The following SDK1 variants were observed in gnomAD, a reference collection of about 807,000 sequenced individuals.
SDK1 encodes protein sidekick-1.
SDK1 carries 157 observed loss-of-function variants against 245.5 expected under a neutral mutation model. The observed-to-expected ratio is 0.64, with a 90% CI of 0.56 to 0.73. SDK1 has a LOEUF of 0.73. Among genes scored for constraint, SDK1 ranks in the 30% least tolerant of loss-of-function variants. SDK1 has a pLI of 0.00. For missense variants in SDK1, 3,583 were observed against 3,002.3 expected, an observed-to-expected ratio of 1.19 and a Z score of -4.52; for synonymous variants, 1,647 against 1,278.5, an observed-to-expected ratio of 1.29 and a Z score of -6.15.
In SDK1 at chr7:3,969,286, C is replaced by T. The variant is rs753638529; in HGVS notation, c.1576C>T (p.Arg526Trp). The T allele has an allele frequency of 1.8e-5, 29 of 1,608,488 alleles. No homozygotes were observed. Among genetic ancestry groups the T allele is most frequent in the Admixed American group, 1.2e-4 (7 of 59,188 alleles). The change falls in exon 11 of 45, where the codon CGG becomes TGG. Residue 526 changes from arginine (R) to tryptophan (W), a missense_variant. By Grantham distance (101) the Arg-to-Trp change is moderately radical. Coordinates refer to ENST00000404826, the MANE Select transcript of SDK1 (RefSeq NM_152744.4). ...CCACATTCTGGCCAGTGGCTCTGTC[C>T]GGATTCCTAGGTTCATGCTTCTTGA... Reference protein sequence around the residue: ...ENHILASGSVRIPRFMLLESG... With the variant: ...ENHILASGSVWIPRFMLLESG...
chr7:3,412,455 CT>C (rs972801369), intron 1 of SDK1, among the ~76,000 whole-genome samples: 6 of 152,170 alleles, frequency 3.9e-5, no homozygotes, highest in African/African-American at 1.2e-4. Flanking sequence ...GCAGCTCCTG[CT>C]TTTTTTGTTA....
intron 1 of SDK1, among the ~76,000 whole-genome samples, chr7:3,439,955 C>G (rs1300498141): frequency 6.6e-6 from 1 of 151,792 alleles, no homozygotes; most frequent in African/African-American, 2.4e-5. Context: ...AGTTATAGCT[C>G]TATGGAGATA....
At chr7:3,618,363 T>A (rs1348392595) in intron 1 of SDK1, among the ~76,000 whole-genome samples, 1 of 152,216 alleles carries the variant, frequency 6.6e-6, no homozygotes, top group East Asian at 1.9e-4. Context: ...TAGATTAGTT[T>A]TATCTGGCTG....
chr7:3,908,829 AT>A (rs200107496), intron 5 of SDK1, among the ~76,000 whole-genome samples: 2,778 of 130,738 alleles, frequency 0.021, 38 homozygotes, highest in African/African-American at 0.06. Flanking sequence ...GAAAGAATTC[AT>A]TTTTTTTTTT....
chr7:4,199,141 C>A (rs1783748703), intron 35 of SDK1, among the ~76,000 whole-genome samples: 1 of 152,162 alleles, frequency 6.6e-6, no homozygotes, highest in Non-Finnish European at 1.5e-5. Flanking sequence ...AGAATACAGT[C>A]TTTCTCCAAC....
chr7:4,048,016 G>C (rs1193478946), intron 17 of SDK1, among the ~76,000 whole-genome samples: 1 of 152,192 alleles, frequency 6.6e-6, no homozygotes, highest in Non-Finnish European at 1.5e-5. Context: ...GATGGGGACA[G>C]AGGGTCCTCC....
intron 5 of SDK1, among the ~76,000 whole-genome samples, chr7:3,910,477 G>A (rs886263440): frequency 6.6e-6 from 1 of 152,148 alleles, no homozygotes; most frequent in Non-Finnish European, 1.5e-5. Context: ...TGTGTCCTTA[G>A]CATTTTGGAA....
intron 2 of SDK1, among the ~76,000 whole-genome samples, chr7:3,619,766 G>A (rs1781877520): frequency 6.6e-6 from 1 of 152,202 alleles, no homozygotes; most frequent in Non-Finnish European, 1.5e-5. Flanking sequence ...GTCCTGCCAT[G>A]TGCCCAGCAC....
intron 6 of SDK1, 62 bp downstream of exon 6, chr7:3,951,096 G>A (rs1015949309): frequency 1.5e-5 from 18 of 1,206,878 alleles, no homozygotes; most frequent in Non-Finnish European, 2.1e-5. Context: ...ACGAGCCGAC[G>A]ATAGAAGGAT....
intron 1 of SDK1, among the ~76,000 whole-genome samples, chr7:3,419,430 C>G (rs1343077142): frequency 6.6e-6 from 1 of 152,154 alleles, no homozygotes; most frequent in African/African-American, 2.4e-5. Context: ...AGCACCTGCT[C>G]CCCCTTCACC....
At chr7:3,336,935 C>T (rs117316476) in intron 1 of SDK1, among the ~76,000 whole-genome samples, 3,722 of 152,282 alleles carry the variant, frequency 0.024, 61 homozygotes, top group Non-Finnish European at 0.039. Context: ...GGTATTAATG[C>T]CTTTTTAGCA....
At chr7:3,553,752 C>T (rs1415752279) in intron 1 of SDK1, among the ~76,000 whole-genome samples, 1 of 152,162 alleles carries the variant, frequency 6.6e-6, no homozygotes, top group Non-Finnish European at 1.5e-5. Flanking sequence ...TGTCCTCATG[C>T]ACCTAAGACC....
chr7:3,848,150 A>G (rs775845787), intron 5 of SDK1, among the ~76,000 whole-genome samples: 26 of 152,232 alleles, frequency 1.7e-4, no homozygotes, highest in Non-Finnish European at 8.8e-5. Context: ...GACACAGTTG[A>G]TCAGGATTCT....
At chr7:3,319,897 C>CTTTTTTTTTTTTTTTTTTTTTTTTTTTTA (rs1583677546) in intron 1 of SDK1, among the ~76,000 whole-genome samples, 1 of 31,218 alleles carries the variant, frequency 3.2e-5, no homozygotes, top group Non-Finnish European at 6.6e-5. Context: ...TTTTTTTTTG[C>CTTTTTTTTTTTTTTTTTTTTTTTTTTTTA]ATTTGCTTTT....
At chr7:3,530,393 A>G (rs1783301946) in intron 1 of SDK1, among the ~76,000 whole-genome samples, 1 of 152,196 alleles carries the variant, frequency 6.6e-6, no homozygotes, top group Admixed American at 6.5e-5. Flanking sequence ...CTAAATGATT[A>G]TTAAAATTTT....
intron 1 of SDK1, among the ~76,000 whole-genome samples, chr7:3,555,038 C>T (rs1429191698): frequency 6.6e-6 from 1 of 152,128 alleles, no homozygotes; most frequent in Non-Finnish European, 1.5e-5. Flanking sequence ...AATGCAATCC[C>T]TATCAAAATA....
intron 28 of SDK1, among the ~76,000 whole-genome samples, chr7:4,140,732 A>C (rs1384875479): frequency 6.6e-6 from 1 of 152,138 alleles, no homozygotes; most frequent in African/African-American, 2.4e-5. Flanking sequence ...GGGGAATGTC[A>C]TGAAGTCTTA....
At chr7:3,681,815 T>C (rs1784108574) in intron 4 of SDK1, among the ~76,000 whole-genome samples, 1 of 152,188 alleles carries the variant, frequency 6.6e-6, no homozygotes, top group African/African-American at 2.4e-5. Flanking sequence ...TTCACATGAA[T>C]TGGATTAGAA....
chr7:3,890,907 G>T (rs1781442694), intron 5 of SDK1, among the ~76,000 whole-genome samples: 1 of 152,140 alleles, frequency 6.6e-6, no homozygotes, highest in South Asian at 2.1e-4. Context: ...ACTCCAGCCT[G>T]GGTGATATAG....
Sources: gnomAD v4.1 joint callset for allele counts (sites outside exome capture counted in the v4.1 genomes callset) on GRCh38, gnomAD v4.1.1 for gene constraint, MANE v1.5 for transcripts, NCBI Gene and HGNC (gene_info 2026-07-23, HGNC 2026-07-21) for gene names.